Variants in TNS1 observed in about 807,000 individuals in gnomAD.
TNS1 encodes tensin 1, also known as tensin-1.
In TNS1, 62 loss-of-function variants were observed where a neutral mutation model predicts 168.6. The observed-to-expected ratio is 0.37, with a 90% confidence interval of 0.30 to 0.45. The LOEUF is 0.45. TNS1 is among the 20% of genes least tolerant of loss of function. The probability of loss-of-function intolerance (pLI) is 1.00; values close to 1 mark genes in which losing one functional copy is unlikely to be tolerated. For synonymous variants in TNS1, 934 were observed against 933.2 expected (o/e 1.00, Z -0.02); for missense variants, 2,240 against 2,339.4 (o/e 0.96, Z 0.88).
At chr2:217,874,156 G>A (rs1207340723) in intron 18 of TNS1, among the ~76,000 whole-genome samples, 1 of 152,034 alleles carries the variant, frequency 6.6e-6, no homozygotes, top group African/African-American at 2.4e-5. Flanking sequence ...ACCTGAGAGT[G>A]GCTAGAAAAG....
chr2:217,939,044 C>A (rs1467694655), intron 3 of TNS1, among the ~76,000 whole-genome samples: 1 of 151,630 alleles, frequency 6.6e-6, no homozygotes, highest in African/African-American at 2.4e-5. Context: ...CCACCACCAC[C>A]AATAATAATA....
upstream of TNS1, among the ~76,000 whole-genome samples, chr2:218,013,020 G>C (rs1958719553): frequency 6.6e-6 from 1 of 151,970 alleles, no homozygotes; most frequent in African/African-American, 2.4e-5. Context: ...GGCTGAGGCA[G>C]GCAGATCACT....
In TNS1 at chr2:217,804,531, G is replaced by T. The variant is rs1295290016; in HGVS notation, c.5448C>A (p.Asp1816Glu). ...DNACHLFAEL[D>E]PNQPASAIVN... ...CGATGGCAGAGGCCGGCTGGTTGGG[G>T]TCAAGCTCAGCAAAGAGGTGGCAGG... Residue 1816 changes from aspartate to glutamate, a missense_variant, in exon 33 of 33, where the codon GAC becomes GAA. By Grantham distance (45) the Asp-to-Glu change is conservative. Transcript: ENST00000682258. The T allele has an allele frequency of 1.9e-6, 3 of 1,614,176 alleles. No individual in the cohort carries two copies. Among genetic ancestry groups the T allele is most frequent in the Non-Finnish European group, 2.5e-6 (3 of 1,180,020 alleles).
intron 3 of TNS1, among the ~76,000 whole-genome samples, chr2:217,946,071 A>T (rs1458045114): frequency 6.6e-6 from 1 of 152,164 alleles, no homozygotes; most frequent in Non-Finnish European, 1.5e-5. Context: ...CTTCCAGTCC[A>T]AGCTCTGCAG....
chr2:218,029,913 C>T (rs757153514), intron 1 of TNS1, among the ~76,000 whole-genome samples: 10 of 152,166 alleles, frequency 6.6e-5, no homozygotes, highest in African/African-American at 2.2e-4. Flanking sequence ...CACACTAATA[C>T]AGACAAATGC....
intron 3 of TNS1, among the ~76,000 whole-genome samples, chr2:217,974,378 C>A (rs190581135): frequency 6.6e-6 from 1 of 152,304 alleles, no homozygotes; most frequent in East Asian, 1.9e-4. Context: ...CTACTTCTTT[C>A]CTGCTTTCCT....
chr2:217,836,360 C>A, intron 19 of TNS1, 149 bp from the exon 20 acceptor site: 1 of 751,998 alleles, frequency 1.3e-6, no homozygotes, highest in South Asian at 2.0e-5. Flanking sequence ...CCCCTCAGCC[C>A]TCCTGGGTCC....
At chr2:217,970,199 C>T (rs1376613302) in intron 3 of TNS1, among the ~76,000 whole-genome samples, 1 of 152,202 alleles carries the variant, frequency 6.6e-6, no homozygotes, top group African/African-American at 2.4e-5. Flanking sequence ...CACAGGCCTG[C>T]CAACACCTTG....
intron 3 of TNS1, among the ~76,000 whole-genome samples, chr2:217,966,933 C>T (rs7584757): frequency 6.6e-6 from 1 of 152,202 alleles, no homozygotes; most frequent in Non-Finnish European, 1.5e-5. Context: ...GCTCATCTGA[C>T]AGTGTGAACA....
intron 28 of TNS1, among the ~76,000 whole-genome samples, chr2:217,811,754 T>C (rs1940956200): frequency 6.6e-6 from 1 of 152,004 alleles, no homozygotes; most frequent in Non-Finnish European, 1.5e-5. Context: ...AGCTAAACAC[T>C]CCTTCCCTAG....
At chr2:217,934,572 C>A (rs1489634888) in intron 3 of TNS1, among the ~76,000 whole-genome samples, 2 of 152,218 alleles carry the variant, frequency 1.3e-5, no homozygotes, top group Non-Finnish European at 2.9e-5. Flanking sequence ...GGCAGCAGAT[C>A]TTCCCCAGTC....
intron 9 of TNS1, 91 bp downstream of exon 9, chr2:217,894,915 A>G: frequency 7.8e-7 from 1 of 1,285,146 alleles, no homozygotes; most frequent in Admixed American, 1.9e-5. Context: ...CTGTCACAGC[A>G]TTTTCCCCAA....
At chr2:217,876,462 G>A (rs537094817) in intron 18 of TNS1, among the ~76,000 whole-genome samples, 29 of 152,260 alleles carry the variant, frequency 1.9e-4, no homozygotes, top group East Asian at 1.2e-3. Flanking sequence ...AGAGGTGCCC[G>A]CAAGGAGGGA....
chr2:217,813,340 C>T lies in TNS1; in HGVS notation c.4862-33G>A, dbSNP rs1340009472. 3 of 1,505,972 alleles carry T rather than the reference C, an allele frequency of 2.0e-6. No homozygotes were observed. The highest frequency in any genetic ancestry group is 2.4e-5 in the East Asian group (1 of 41,158). The allele number at this position is 1,505,972 out of a possible 1,614,324, so 93.3% of individuals were successfully genotyped here. A position where few individuals can be genotyped will look rare whatever the true frequency, so the allele number is the denominator to read the frequency against. ...AAAGAGAAAGAAATAAGGCTCAGTC[C>T]CTGCCCATGGCTTCCTCCCACCACC... is the stretch of plus-strand genomic sequence containing the variant. On this transcript the variant is annotated intron_variant, in intron 26 of 32. Transcript: ENST00000682258. The surrounding 1 kb of genome is among the most constrained non-coding windows in gnomAD (Gnocchi z 4.0).
At chr2:217,805,539 C>T (rs1381509516) in intron 32 of TNS1, among the ~76,000 whole-genome samples, 21 of 2,396 alleles carry the variant, frequency 8.8e-3, no homozygotes, top group Non-Finnish European at 0.012. Flanking sequence ...ACACACCACA[C>T]ACACCACCAC....
At chr2:217,922,940 T>C (rs76649728) in intron 3 of TNS1, among the ~76,000 whole-genome samples, 3,167 of 148,460 alleles carry the variant, frequency 0.021, 111 homozygotes, top group African/African-American at 0.078. Context: ...GTCTCTCTCT[T>C]TTTTTTTAAG....
intron 12 of TNS1, among the ~76,000 whole-genome samples, chr2:217,887,555 G>A (rs527750121): frequency 8.5e-5 from 13 of 152,248 alleles, no homozygotes; most frequent in East Asian, 7.7e-4. Flanking sequence ...TGATCAGCCC[G>A]CCTCGGCCTC....
chr2:217,889,612 G>A (rs1404522036), intron 12 of TNS1, among the ~76,000 whole-genome samples: 1 of 152,206 alleles, frequency 6.6e-6, no homozygotes, highest in East Asian at 1.9e-4. Flanking sequence ...ATTTGAATCA[G>A]CCCTCTTTCC....
chr2:217,825,751 C>A (rs538220721), intron 22 of TNS1, among the ~76,000 whole-genome samples: 1 of 152,192 alleles, frequency 6.6e-6, no homozygotes, highest in Non-Finnish European at 1.5e-5. Flanking sequence ...TGAGCTGCAG[C>A]CTGGGAGTCT....
Sources: allele counts gnomAD v4.1 joint callset (sites outside exome capture counted in the v4.1 genomes callset), GRCh38; gene constraint gnomAD v4.1.1; non-coding constraint Gnocchi (gnomAD v3.1); transcripts MANE v1.5; gene names NCBI Gene and HGNC (gene_info 2026-07-23, HGNC 2026-07-21).